Variants in ZNF544 observed in about 807,000 individuals in gnomAD.
ZNF544 encodes zinc finger protein 544.
ZNF544 carries 10 observed loss-of-function variants against 13.5 expected under a neutral mutation model. That is an observed-to-expected ratio of 0.74 (90% CI 0.46 to 1.25). The LOEUF is 1.25. Among genes scored for constraint, ZNF544 ranks in the 50% most tolerant of loss-of-function variants. The probability of loss-of-function intolerance (pLI) is 0.00; values close to 1 mark genes in which losing one functional copy is unlikely to be tolerated. For synonymous variants in ZNF544, 323 were observed against 300.5 expected, an observed-to-expected ratio of 1.07 and a Z score of -0.77; for missense variants, 896 against 845.6, an observed-to-expected ratio of 1.06 and a Z score of -0.74.
Position 58,261,388 on chromosome 19 carries a change from GTA to G in ZNF544, c.783_784del (p.Arg262AsnfsTer8). 1 of 1,614,134 alleles carries G rather than the reference GTA, an allele frequency of 6.2e-7. No homozygotes were observed. The highest frequency in any genetic ancestry group is 8.5e-7 in the Non-Finnish European group (1 of 1,180,034). On this transcript the variant is annotated frameshift_variant, in exon 7 of 7. Transcript: ENST00000687789. LOFTEE classifies it low-confidence loss of function (END_TRUNC). ...TATGGTTCCTCCCTTTGTTTTCATG[GTA>G]GAACTTTTTCAGTGAAGAAAAGTGA...
rs1484335280 is a variant in ZNF544 at position 58,260,873 on chromosome 19, G to T, written c.267G>T (p.Glu89Asp). Residue 89 changes from glutamate (E) to aspartate (D), a missense_variant, in exon 7 of 7, where the codon GAG becomes GAT. Transcript: ENST00000687789. The stretch of plus-strand genomic sequence containing the variant: ...CAGACTGGAAAGCTACCCTTGAGGA[G>T]AATAGGTTGAATTCTGAAAAAGATC... ...APRDWKATLE[E>D]NRLNSEKDRA... 5 of 1,607,648 alleles carry T rather than the reference G, an allele frequency of 3.1e-6. No homozygotes were observed. The Admixed American group carries it at 8.5e-5, about 27-fold the overall frequency.
intron 5 of ZNF544, among the ~76,000 whole-genome samples, chr19:58,274,388 T>A (rs1390572375): frequency 6.6e-6 from 1 of 152,154 alleles, no homozygotes; most frequent in Non-Finnish European, 1.5e-5. Context: ...AGACAACTTG[T>A]CACGCATACA....
intron 6 of ZNF544, among the ~76,000 whole-genome samples, chr19:58,276,842 C>T (rs1423811585): frequency 6.6e-6 from 1 of 152,190 alleles, no homozygotes; most frequent in Non-Finnish European, 1.5e-5. Flanking sequence ...TGAATCTGGG[C>T]AGCCTCCACT....
intron 5 of ZNF544, among the ~76,000 whole-genome samples, chr19:58,275,448 C>A (rs935180181): frequency 6.6e-6 from 1 of 151,860 alleles, no homozygotes; most frequent in Non-Finnish European, 1.5e-5. Context: ...GGCTCCCTGA[C>A]CCACACTTTA....
In ZNF544 at chr19:58,261,164, G is replaced by A. The variant is rs148043949; in HGVS notation, c.558G>A (p.Lys186=). ...TTLPTSTGFP[K]PNSQVKELKQ... ...TACCTACAAGTACAGGTTTCCCTAAGCCCAACTCACAAGTTAAAGAGTTGA... is the reference window on the plus strand; with the variant it reads ...TACCTACAAGTACAGGTTTCCCTAAACCCAACTCACAAGTTAAAGAGTTGA... The change falls in exon 7 of 7, where the codon AAG becomes AAA. Residue 186 remains lysine (K), a synonymous_variant. Transcript: ENST00000687789. 1.4e-5 allele frequency: 22 copies of A among 1,614,096 alleles called. No homozygotes were observed. In the African/African-American group the frequency reaches 1.9e-4, roughly 14 times the overall value.
At chr19:58,270,661 C>T (rs899710358) in intron 5 of ZNF544, among the ~76,000 whole-genome samples, 1 of 152,062 alleles carries the variant, frequency 6.6e-6, no homozygotes, top group African/African-American at 2.4e-5. Context: ...TTCATAGTGG[C>T]CGTAGGGTAG....
rs781566979 is a variant in ZNF544, at chr19:58,261,519, G to C, written c.913G>C (p.Glu305Gln). Residue 305 changes from glutamate (E) to glutamine (Q), a missense_variant, in exon 7 of 7, where the codon GAA becomes CAA. Coordinates refer to ENST00000687789, the MANE Select transcript of ZNF544 (RefSeq NM_014480.4). ...TCAGTATGAGTGTGATGAGTGCAGG[G>C]AAACCTGTTCTGAGAGTCTGTGCCT... is the stretch of plus-strand genomic sequence containing the variant. ...KSQYECDECRETCSESLCLVQ... is the reference protein window; with the variant it reads ...KSQYECDECRQTCSESLCLVQ... 6.2e-7 allele frequency: 1 copy of C among 1,614,186 alleles called. No homozygotes were observed. The highest frequency in any genetic ancestry group is 1.7e-5 in the Admixed American group (1 of 60,018).
intron 3 of ZNF544, among the ~76,000 whole-genome samples, chr19:58,235,375 A>G (rs2042163936): frequency 6.6e-6 from 1 of 152,230 alleles, no homozygotes; most frequent in South Asian, 2.1e-4. Context: ...GACCACTATC[A>G]TATCTGCGGT....
chr19:58,249,939 G>A (rs901809201), intron 6 of ZNF544, among the ~76,000 whole-genome samples: 4 of 152,112 alleles, frequency 2.6e-5, no homozygotes, highest in Non-Finnish European at 5.9e-5. Flanking sequence ...CCAGTCCCGC[G>A]GTTATTTGTA....
chr19:58,248,356 C>T (rs911367018), intron 6 of ZNF544, among the ~76,000 whole-genome samples: 2 of 150,722 alleles, frequency 1.3e-5, no homozygotes, highest in African/African-American at 4.9e-5. Context: ...CCTCTCTGCA[C>T]CCCAGCCTCA....
At position 58,263,199 on chromosome 19, in the gene ZNF544, A is replaced by G; in HGVS notation, c.*445A>G. 1 of 995,778 alleles carries G rather than the reference A, an allele frequency of 1.0e-6. No homozygotes were observed. The highest frequency in any genetic ancestry group is 1.2e-6 in the Non-Finnish European group (1 of 835,496). The allele number at this position is 995,778 out of a possible 1,614,324, so 61.7% of individuals were successfully genotyped here. ...GATGGAGCCGGGTGCAGTTGCCAACACTTGTAATCCCAGCAGTTTGCGAGG... is the reference window on the plus strand; with the variant it reads ...GATGGAGCCGGGTGCAGTTGCCAACGCTTGTAATCCCAGCAGTTTGCGAGG... On this transcript the variant is annotated 3_prime_UTR_variant, in exon 7 of 7. Coordinates refer to ENST00000687789, the MANE Select transcript of ZNF544 (RefSeq NM_014480.4).
At chr19:58,253,392 T>G (rs533105065) in intron 6 of ZNF544, among the ~76,000 whole-genome samples, 4 of 152,340 alleles carry the variant, frequency 2.6e-5, no homozygotes, top group South Asian at 4.1e-4. Flanking sequence ...ACAGGTATTT[T>G]TGCCAATAAC....
intron 4 of ZNF544, 88 bp from the exon 5 acceptor site, chr19:58,246,213 G>T: frequency 6.3e-7 from 1 of 1,575,378 alleles, no homozygotes; most frequent in African/African-American, 1.3e-5. Context: ...ATTTTACGGG[G>T]GGACACCAAC....
chr19:58,234,971 C>T (rs2042081235), intron 3 of ZNF544, among the ~76,000 whole-genome samples: 1 of 152,168 alleles, frequency 6.6e-6, no homozygotes, highest in Admixed American at 6.5e-5. Context: ...TGTGTATTGA[C>T]ACAGGAAGAT....
At chr19:58,237,086 A>G in intron 3 of ZNF544, among the ~76,000 whole-genome samples, 1 of 135,452 alleles carries the variant, frequency 7.4e-6, no homozygotes, top group Admixed American at 7.7e-5. Flanking sequence ...TTTTCCCCAC[A>G]TAGGGTTTTA....
At chr19:58,241,231 C>T (rs534490038) in intron 3 of ZNF544, among the ~76,000 whole-genome samples, 4 of 72,254 alleles carry the variant, frequency 5.5e-5, no homozygotes, top group Admixed American at 3.0e-4. Flanking sequence ...AGGCAGTTCT[C>T]GAACTCCTGG....
At chr19:58,250,036 G>C (rs1419697892) in intron 6 of ZNF544, among the ~76,000 whole-genome samples, 1 of 152,198 alleles carries the variant, frequency 6.6e-6, no homozygotes, top group Non-Finnish European at 1.5e-5. Flanking sequence ...GTTCTTGGGA[G>C]CTATATTAAT....
At chr19:58,241,183 T>TAATATATATATATATATA (rs1254015931) in intron 3 of ZNF544, among the ~76,000 whole-genome samples, 2 of 31,458 alleles carry the variant, frequency 6.4e-5, no homozygotes, top group East Asian at 7.1e-4. Context: ...ATATATATTT[T>TAATATATATATATATATA]TTTTTTTTTG....
chr19:58,244,158 GCAGTGCTGGC>G, intron 4 of ZNF544, 102 bp downstream of exon 4: 1 of 992,858 alleles, frequency 1.0e-6, no homozygotes, highest in East Asian at 2.8e-5. Flanking sequence ...GGAGCGCTCC[GCAGTGCTGGC>G]CAGTGCTTCC....
Sources: allele counts gnomAD v4.1 joint callset (sites outside exome capture counted in the v4.1 genomes callset), GRCh38; gene constraint gnomAD v4.1.1; transcripts MANE v1.5; gene names NCBI Gene and HGNC (gene_info 2026-07-23, HGNC 2026-07-21).